HEXB: variants seen among roughly 807,000 people sequenced by gnomAD.
HEXB encodes beta-hexosaminidase subunit beta.
A neutral mutation model predicts 71.2 loss-of-function variants in HEXB; 51 were observed. That is an observed-to-expected ratio of 0.72 (90% CI 0.57 to 0.90). The LOEUF (loss-of-function observed/expected upper bound fraction) is 0.90. Ranked by LOEUF, HEXB falls within the 40% of genes least tolerant of loss-of-function variation. The probability of loss-of-function intolerance (pLI) is 0.00; values close to 1 mark genes in which losing one functional copy is unlikely to be tolerated. For missense variants in HEXB, 617 were observed against 677.0 expected, an observed-to-expected ratio of 0.91 and a Z score of 0.98; for synonymous variants, 266 against 249.3, an observed-to-expected ratio of 1.07 and a Z score of -0.63.
At chr5:74,660,024 T>C (rs1199485517) in intron 1 of HEXB, among the ~76,000 whole-genome samples, 3 of 152,016 alleles carry the variant, frequency 2.0e-5, no homozygotes, top group Non-Finnish European at 4.4e-5. Context: ...CATCATCACC[T>C]TTACTCAGCA....
chr5:74,669,947 T>A (rs1357541379), intron 1 of HEXB, among the ~76,000 whole-genome samples: 1 of 152,114 alleles, frequency 6.6e-6, no homozygotes, highest in Non-Finnish European at 1.5e-5. Flanking sequence ...ATAAGTGATA[T>A]AAAACTGTGG....
rs776162010 is a variant in HEXB, at chr5:74,699,227, C to CTT, written c.669+2125_669+2126dup. Among the ~76,000 whole-genome samples, 3 of 152,000 alleles carry CTT rather than the reference C, an allele frequency of 2.0e-5. No individual in the cohort carries two copies. In the East Asian group the frequency reaches 5.8e-4, roughly 29 times the overall value. On this transcript the variant is annotated intron_variant, in intron 5 of 13. Coordinates refer to ENST00000261416, the MANE Select transcript of HEXB (RefSeq NM_000521.4). ...GAATATATTAACATATACAATGTGA[C>CTT]TTTTTAAAAAACTTAAATGAGACTG...
chr5:74,698,266 G>A (rs1749163154), intron 5 of HEXB, among the ~76,000 whole-genome samples: 4 of 151,028 alleles, frequency 2.6e-5, no homozygotes, highest in South Asian at 2.1e-4. Flanking sequence ...TAGTAGAGAC[G>A]GGGTTTCTCC....
intron 5 of HEXB, among the ~76,000 whole-genome samples, chr5:74,702,992 G>A (rs1749299179): frequency 6.6e-6 from 1 of 152,108 alleles, no homozygotes; most frequent in Non-Finnish European, 1.5e-5. Flanking sequence ...CGCTCTTGTC[G>A]CCCAGGCTGG....
chr5:74,699,441 A>AT (rs1381765808), intron 5 of HEXB, among the ~76,000 whole-genome samples: 1 of 151,312 alleles, frequency 6.6e-6, no homozygotes, highest in South Asian at 2.1e-4. Context: ...CACCTGGCTA[A>AT]TTTTTGTATT....
chr5:74,642,839 C>T (rs925440504), intron 1 of HEXB, among the ~76,000 whole-genome samples: 6 of 152,092 alleles, frequency 3.9e-5, no homozygotes, highest in African/African-American at 7.2e-5. Flanking sequence ...GAAAGAAATC[C>T]GCTGGCCATT....
rs146428794 is a variant in HEXB at position 74,696,387 on chromosome 5, T to C, written c.512-306T>C. ...TGCCATAAATTTATTAAGGAACCAGTATTTTATTAAATTACTATTCTTCTT... is the reference window on the plus strand; with the variant it reads ...TGCCATAAATTTATTAAGGAACCAGCATTTTATTAAATTACTATTCTTCTT... On this transcript the variant is annotated intron_variant, in intron 3 of 13. Coordinates refer to ENST00000261416, the MANE Select transcript of HEXB (RefSeq NM_000521.4). 1.4e-4 allele frequency among the ~76,000 whole-genome samples: 21 copies of C among 152,326 alleles called. No homozygotes were observed. In the East Asian group the frequency reaches 4.0e-3, roughly 29 times the overall value.
chr5:74,699,869 ATGTT>A (rs1369780107), intron 5 of HEXB, among the ~76,000 whole-genome samples: 1 of 151,882 alleles, frequency 6.6e-6, no homozygotes, highest in Non-Finnish European at 1.5e-5. Context: ...CATCTTTGCC[ATGTT>A]TGTTGCTGAT....
chr5:74,714,788 G>C (rs1052374419), intron 7 of HEXB, among the ~76,000 whole-genome samples: 3 of 152,198 alleles, frequency 2.0e-5, no homozygotes, highest in African/African-American at 7.2e-5. Flanking sequence ...TATTAGAGTA[G>C]ACATGGGGAA....
At chr5:74,688,209 G>T (rs778569769) in intron 1 of HEXB, among the ~76,000 whole-genome samples, 1 of 147,238 alleles carries the variant, frequency 6.8e-6, no homozygotes, top group African/African-American at 2.5e-5. Flanking sequence ...CTGATTTTTG[G>T]ATACCAACAA....
chr5:74,644,650 A>G (rs1264780345), intron 1 of HEXB, among the ~76,000 whole-genome samples: 1 of 151,652 alleles, frequency 6.6e-6, no homozygotes, highest in African/African-American at 2.4e-5. Flanking sequence ...GTCTAAATCG[A>G]TAGTTTTCTA....
At chr5:74,694,615 G>A (rs1749070928) in intron 3 of HEXB, among the ~76,000 whole-genome samples, 2 of 152,004 alleles carry the variant, frequency 1.3e-5, no homozygotes, top group Admixed American at 6.6e-5. Flanking sequence ...CCGAATAGCA[G>A]AGTTTTTAGA....
Position 74,657,810 on chromosome 5 carries a change from A to G in HEXB, c.-377+17252A>G, listed in dbSNP as rs188671782. On this transcript the variant is annotated intron_variant, in intron 1 of 13. Coordinates refer to the HEXB transcript ENST00000511181. ...GCTGCTGTTGTGGCCTCTGTGCCTC[A>G]CATGTCATGTGGCGTCTTCTGATCT... 2.3e-3 allele frequency among the ~76,000 whole-genome samples: 352 copies of G among 152,282 alleles called. 3 individuals are homozygous for G. The highest frequency in any genetic ancestry group is 8.3e-3 in the African/African-American group (344 of 41,552).
intron 5 of HEXB, 38 bp downstream of exon 5, chr5:74,697,144 G>A: frequency 1.1e-6 from 1 of 951,794 alleles, no homozygotes; most frequent in East Asian, 2.4e-5. Context: ...TGTCTATTCT[G>A]AAGATGTCTC....
chr5:74,660,757 GA>G (rs532544222), intron 1 of HEXB, among the ~76,000 whole-genome samples: 1 of 151,670 alleles, frequency 6.6e-6, no homozygotes, highest in Non-Finnish European at 1.5e-5. Flanking sequence ...ATTACCACTG[GA>G]AAAAAAACAT....
At chr5:74,716,717 A>T (rs900669756) in intron 9 of HEXB, 44 bp downstream of exon 9, 1 of 1,224,496 alleles carries the variant, frequency 8.2e-7, no homozygotes, top group Admixed American at 1.8e-5. Flanking sequence ...GCTTTTTGTA[A>T]AAGTTTATTT....
intron 1 of HEXB, among the ~76,000 whole-genome samples, chr5:74,673,292 C>G (rs1748572065): frequency 6.6e-6 from 1 of 152,236 alleles, no homozygotes; most frequent in African/African-American, 2.4e-5. Flanking sequence ...AGATGGCACT[C>G]AATCTCAGTT....
At chr5:74,655,784 C>A (rs1748207434) in intron 1 of HEXB, among the ~76,000 whole-genome samples, 1 of 152,122 alleles carries the variant, frequency 6.6e-6, no homozygotes, top group Admixed American at 6.5e-5. Context: ...TTTTTATCCT[C>A]AAAAATTCTG....
At chr5:74,685,214 C>G, upstream of HEXB, 1 of 1,465,956 alleles carries the variant, frequency 6.8e-7, no homozygotes, top group Non-Finnish European at 9.0e-7. Context: ...GAAGTCGGGT[C>G]CCGAGGCTCC....
Sources: gnomAD v4.1 joint callset for allele counts (sites outside exome capture counted in the v4.1 genomes callset) on GRCh38, gnomAD v4.1.1 for gene constraint, MANE v1.5 for transcripts, NCBI Gene and HGNC (gene_info 2026-07-23, HGNC 2026-07-21) for gene names.